MOV10L1: variants seen among roughly 807,000 people sequenced by gnomAD.
MOV10L1 encodes the protein RNA helicase Mov10l1.
In MOV10L1, 110 loss-of-function variants were observed where a neutral mutation model predicts 143.8. The observed-to-expected ratio is 0.76, with a 90% CI of 0.66 to 0.90. MOV10L1 has a LOEUF of 0.90. Among genes scored for constraint, MOV10L1 ranks in the 40% least tolerant of loss-of-function variants. The pLI is 0.00. For synonymous variants in MOV10L1, 593 were observed against 581.1 expected, an observed-to-expected ratio of 1.02 and a Z score of -0.29; for missense variants, 1,406 against 1,526.8, an observed-to-expected ratio of 0.92 and a Z score of 1.32.
chr22:50,093,644 G>A (rs1473243778), intron 2 of MOV10L1: 2 of 152,104 alleles, frequency 1.3e-5, no homozygotes, highest in Non-Finnish European at 2.9e-5. Context: ...GAGTAACTGG[G>A]ACCACAGGTG....
chr22:50,125,416 G>A lies in MOV10L1; in HGVS notation c.1594G>A (p.Glu532Lys). Reference sequence around the variant, plus strand: ...GCTTCTGAACATGTCAAATTACAAGGAGAAGTTTTCGACTTTGCTGTGGCT... The same window carrying A: ...GCTTCTGAACATGTCAAATTACAAGAAGAAGTTTTCGACTTTGCTGTGGCT... ...AELLNMSNYK[E>K]KFSTLLWLEE... The change falls in exon 11 of 27, where the codon GAG becomes AAG. Residue 532 changes from glutamate to lysine, a missense_variant. Physicochemically the swap from Glu to Lys is moderately conservative, Grantham distance 56. This residue lies in a region of MOV10L1 where 1,233 missense variants were observed against 1,351.4 expected (regional missense o/e 0.91). Transcript: ENST00000262794. 1 of 1,614,170 alleles carries A rather than the reference G, an allele frequency of 6.2e-7. No individual in the cohort carries two copies.
Position 50,152,991 on chromosome 22 carries a change from G to T in MOV10L1, c.2893-54G>T. On this transcript the variant is annotated intron_variant, in intron 21 of 26. Coordinates refer to ENST00000262794, the MANE Select transcript of MOV10L1 (RefSeq NM_018995.3). The surrounding 1 kb of genome is among the most constrained non-coding windows in gnomAD (Gnocchi z 4.4). ...GTGCAGAGCCGCTTTTCGTTCGACA[G>T]AAACTGTGCCGGGTACCACCTTCCC... 1 of 1,529,136 alleles carries T rather than the reference G, an allele frequency of 6.5e-7. No individual in the cohort carries two copies. Among genetic ancestry groups the T allele is most frequent in the Non-Finnish European group, 8.9e-7 (1 of 1,126,956 alleles). 94.7% of individuals were successfully genotyped at this position (1,529,136 alleles called of 1,614,324 possible).
chr22:50,117,261 C>T lies in MOV10L1; in HGVS notation c.1364C>T (p.Ala455Val). ...NVISGEESLI[A>V]AREPFSWKKL... ...ATCAGTGGGGAGGAGTCACTAATTG[C>T]TGCGCGCGAACCATTTTCTTGGAAA... The change falls in exon 9 of 27, where the codon GCT (alanine) becomes GTT (valine). Residue 455 changes from alanine (A) to valine (V), a missense_variant. Around this residue, in one of 3 missense-constraint regions of MOV10L1, gnomAD observed 1,233 missense variants for 1,351.4 expected, o/e 0.91. Transcript: ENST00000262794. The T allele has an allele frequency of 6.2e-7, 1 of 1,614,118 alleles. No homozygotes were observed. The highest frequency in any genetic ancestry group is 1.1e-5 in the South Asian group (1 of 91,082).
Position 50,150,737 on chromosome 22 carries a change from C to A in MOV10L1, c.2730C>A (p.Ile910=). Residue 910 remains isoleucine, a splice_region_variant and synonymous_variant, in exon 21 of 27, where the codon ATC becomes ATA. Transcript: ENST00000262794. The stretch of plus-strand genomic sequence containing the variant: ...TGAGACGGGCCCTCTGTGTGCAGAT[C>A]GTGCTGGCAGGAGACCCCATGCAGC... ...LGLMSDISGQ[I]VLAGDPMQLG... is the part of the protein sequence containing the mutation. 1 of 1,613,698 alleles carries A rather than the reference C, an allele frequency of 6.2e-7. No homozygotes were observed. Among genetic ancestry groups the A allele is most frequent in the East Asian group, 2.2e-5 (1 of 44,858 alleles).
intron 15 of MOV10L1, among the ~76,000 whole-genome samples, chr22:50,135,627 T>C (rs1288745983): frequency 6.6e-6 from 1 of 151,716 alleles, no homozygotes; most frequent in African/African-American, 2.4e-5. Flanking sequence ...GGTGTACACC[T>C]GTAATCCCAG....
At chr22:50,106,322 A>ATT (rs1195723545) in intron 3 of MOV10L1, among the ~76,000 whole-genome samples, 2 of 82,114 alleles carry the variant, frequency 2.4e-5, no homozygotes, top group African/African-American at 3.8e-5. Flanking sequence ...ACCCCAACTA[A>ATT]TTCTTTTTTT....
At chr22:50,143,513 A>G (rs1386893358) in intron 17 of MOV10L1, among the ~76,000 whole-genome samples, 2 of 152,234 alleles carry the variant, frequency 1.3e-5, no homozygotes, top group Non-Finnish European at 2.9e-5. Flanking sequence ...CCACCATTCC[A>G]CAGAAGTTTT....
intron 13 of MOV10L1, among the ~76,000 whole-genome samples, chr22:50,130,040 C>A (rs771122025): frequency 6.6e-6 from 1 of 152,108 alleles, no homozygotes; most frequent in South Asian, 2.1e-4. Context: ...CTTTGGGAGG[C>A]CAAGGCAGGT....
At chr22:50,103,061 G>C (rs1464075419) in intron 3 of MOV10L1, among the ~76,000 whole-genome samples, 1 of 152,178 alleles carries the variant, frequency 6.6e-6, no homozygotes, top group Non-Finnish European at 1.5e-5. Context: ...GGAGGGTCCA[G>C]GTAATGCCAG....
intron 3 of MOV10L1, 56 bp from the exon 4 acceptor site, chr22:50,108,080 C>G (rs2061921401): frequency 2.0e-6 from 3 of 1,497,900 alleles, no homozygotes; most frequent in Admixed American, 3.4e-5. Context: ...GCACCATGAC[C>G]TCAGAATAAC....
At chr22:50,096,650 C>CA (rs1555974202) in intron 2 of MOV10L1, among the ~76,000 whole-genome samples, 1 of 151,564 alleles carries the variant, frequency 6.6e-6, no homozygotes, top group Non-Finnish European at 1.5e-5. Flanking sequence ...TTTTCTTTTT[C>CA]TTTTTTTTTC....
chr22:50,097,904 A>G (rs986491560), intron 2 of MOV10L1, among the ~76,000 whole-genome samples: 4 of 151,858 alleles, frequency 2.6e-5, no homozygotes, highest in Non-Finnish European at 5.9e-5. Context: ...TGTGATATTG[A>G]CTCATTGCAA....
Position 50,090,180 on chromosome 22 carries a change from C to G in MOV10L1, c.92C>G (p.Ala31Gly), listed in dbSNP as rs568089475. ...GCCGGGCAGCTGGAGCCCGAGCTCG[C>G]GGAAGGTGGCTCGCGGGAGGCGGCT... ...EEAGQLEPELAEGDTKLKTVR... is the reference protein window; with the variant it reads ...EEAGQLEPELGEGDTKLKTVR... The change falls in exon 1 of 27, where the codon GCG (alanine) becomes GGG (glycine). Residue 31 changes from alanine to glycine, a missense_variant. Physicochemically the swap from Ala to Gly is moderately conservative, Grantham distance 60. This residue lies in a region of MOV10L1 where 166 missense variants were observed against 153.9 expected (regional missense o/e 1.08). Transcript: ENST00000262794. 179 of 1,418,132 alleles carry G rather than the reference C, an allele frequency of 1.3e-4. 2 individuals carry two copies. In the East Asian group the frequency reaches 3.3e-3, roughly 26 times the overall value. 87.8% of individuals were successfully genotyped at this position (1,418,132 alleles called of 1,614,324 possible).
At chr22:50,109,129 T>C (rs138218) in intron 5 of MOV10L1, among the ~76,000 whole-genome samples, 104,010 of 151,900 alleles carry the variant, frequency 0.68, 36,687 homozygotes, top group South Asian at 0.8. Context: ...GGGCGACAAG[T>C]AAAACTCCGT....
intron 5 of MOV10L1, among the ~76,000 whole-genome samples, chr22:50,112,770 C>T (rs2062058230): frequency 6.6e-6 from 1 of 152,196 alleles, no homozygotes; most frequent in African/African-American, 2.4e-5. Context: ...GCAAGAGCTC[C>T]GCAGCTTCTC....
Position 50,150,602 on chromosome 22 carries a change from A to G in MOV10L1, c.2728-133A>G, listed in dbSNP as rs2063271761. ...CCCTGTCGGCATTCCCTGGTCTCCC[A>G]GTCCCTCCCGTCGTCCCCTGCAGCA... On this transcript the variant is annotated intron_variant, in intron 20 of 26. Transcript: ENST00000262794. 4.9e-6 allele frequency: 5 copies of G among 1,010,196 alleles called. No individual in the cohort carries two copies. In the East Asian group the frequency reaches 1.1e-4, roughly 21 times the overall value. 62.6% of individuals were successfully genotyped at this position (1,010,196 alleles called of 1,614,324 possible).
chr22:50,117,374 G>C (rs928142033), intron 9 of MOV10L1, 23 bp downstream of exon 9: 2 of 1,607,248 alleles, frequency 1.2e-6, no homozygotes, highest in African/African-American at 2.7e-5. Context: ...AAATGAGTGT[G>C]GCTCTTGGTC....
In MOV10L1 at chr22:50,108,185, G is replaced by T; in HGVS notation, c.492G>T (p.Arg164=). 6.2e-7 allele frequency: 1 copy of T among 1,614,112 alleles called. No homozygotes were observed. Among genetic ancestry groups the T allele is most frequent in the Non-Finnish European group, 8.5e-7 (1 of 1,180,022 alleles). ...GGGTGGAGGCTGAGTACCGGATCCGGCCTGGCACGTGGAGCAGCGAAGCCA... is the reference window on the plus strand; with the variant it reads ...GGGTGGAGGCTGAGTACCGGATCCGTCCTGGCACGTGGAGCAGCGAAGCCA... The part of the protein sequence containing the change: ...GDWVEAEYRI[R]PGTWSSEATS... Residue 164 remains arginine (R), a synonymous_variant, in exon 4 of 27, where the codon CGG becomes CGT. Transcript: ENST00000262794.
chr22:50,157,275 C>T (rs575787517), intron 22 of MOV10L1, among the ~76,000 whole-genome samples: 2 of 152,262 alleles, frequency 1.3e-5, no homozygotes, highest in South Asian at 2.1e-4. Context: ...TTTTCTCCCC[C>T]CTCCGCAGAC....
Sources: allele counts gnomAD v4.1 joint callset (sites outside exome capture counted in the v4.1 genomes callset), GRCh38; gene constraint gnomAD v4.1.1; regional missense constraint gnomAD v4.1.1; non-coding constraint Gnocchi (gnomAD v3.1); transcripts MANE v1.5; gene names NCBI Gene and HGNC (gene_info 2026-07-23, HGNC 2026-07-21).